PPFIA2: variants seen among roughly 807,000 people sequenced by gnomAD.
The protein encoded by PPFIA2 is PPFI scaffold protein A2, also known as liprin-alpha-2.
A neutral mutation model predicts 175.5 loss-of-function variants in PPFIA2; 46 were observed. The ratio of observed to expected loss-of-function variants is 0.26; its 90% confidence interval spans 0.21 to 0.34. The LOEUF (loss-of-function observed/expected upper bound fraction) is 0.34, where lower values mean the gene tolerates loss of function less well. PPFIA2 is among the 10% of genes least tolerant of loss of function. The probability of loss-of-function intolerance (pLI) is 1.00; values close to 1 mark genes in which losing one functional copy is unlikely to be tolerated. For synonymous variants in PPFIA2, 568 were observed against 511.4 expected, an observed-to-expected ratio of 1.11 and a Z score of -1.49; for missense variants, 1,179 against 1,506.1, an observed-to-expected ratio of 0.78 and a Z score of 3.60.
intron 3 of PPFIA2, among the ~76,000 whole-genome samples, chr12:81,687,770 TTAA>T (rs1455951839): frequency 6.6e-6 from 1 of 151,778 alleles, no homozygotes; most frequent in East Asian, 1.9e-4. Flanking sequence ...ATTATAATAA[TTAA>T]TATTAATTTT....
intron 4 of PPFIA2, among the ~76,000 whole-genome samples, chr12:81,497,874 C>A (rs576187784): frequency 6.6e-6 from 1 of 152,172 alleles, no homozygotes; most frequent in South Asian, 2.1e-4. Flanking sequence ...TGAAATATAA[C>A]CTAAGTTCTA....
intron 3 of PPFIA2, among the ~76,000 whole-genome samples, chr12:81,735,772 T>C (rs2081496100): frequency 1.3e-5 from 2 of 151,860 alleles, no homozygotes; most frequent in African/African-American, 4.8e-5. Context: ...TGATGTTTGG[T>C]AAGGTTCTAA....
intron 11 of PPFIA2, among the ~76,000 whole-genome samples, chr12:81,372,709 A>G (rs7955223): frequency 0.16 from 24,255 of 151,376 alleles, 2,700 homozygotes; most frequent in East Asian, 0.41. Context: ...AGGAGCTTTC[A>G]TAATGAATAA....
intron 4 of PPFIA2, among the ~76,000 whole-genome samples, chr12:81,582,531 C>T (rs1194139747): frequency 6.6e-6 from 1 of 151,664 alleles, no homozygotes; most frequent in Admixed American, 6.6e-5. Flanking sequence ...ATTCTCCTAC[C>T]TTTCGTTTAG....
chr12:81,362,717 G>C lies in PPFIA2; in HGVS notation c.1613C>G (p.Ser538Cys). 1 of 1,546,704 alleles carries C rather than the reference G, an allele frequency of 6.5e-7. No homozygotes were observed. Among genetic ancestry groups the C allele is most frequent in the Non-Finnish European group, 8.7e-7 (1 of 1,143,072 alleles). ...CCTTGGTATTGTGGGTTCAATTAAA[G>C]AGCCAGTTCTCATTTTCAATTGGTC... Reference protein sequence around the residue: ...ELDQLKMRTGSLIEPTIPRTH... With the variant: ...ELDQLKMRTGCLIEPTIPRTH... The change falls in exon 15 of 33, where the codon TCT (serine) becomes TGT (cysteine). Residue 538 changes from serine to cysteine, a missense_variant. Physicochemically the swap from Ser to Cys is moderately radical, Grantham distance 112. Transcript: ENST00000549396.
intron 7 of PPFIA2, among the ~76,000 whole-genome samples, chr12:81,410,195 C>T (rs1051473745): frequency 7.9e-5 from 12 of 152,202 alleles, no homozygotes; most frequent in Non-Finnish European, 1.3e-4. Context: ...ACATATACTT[C>T]TATTGTTTAT....
chr12:81,563,455 C>T (rs2070630526), intron 4 of PPFIA2, among the ~76,000 whole-genome samples: 1 of 152,138 alleles, frequency 6.6e-6, no homozygotes, highest in South Asian at 2.1e-4. Context: ...GTGGAACTTG[C>T]TTGTGGAAAA....
intron 4 of PPFIA2, among the ~76,000 whole-genome samples, chr12:81,493,837 GC>G (rs2059714354): frequency 6.8e-6 from 1 of 146,090 alleles, no homozygotes; most frequent in Non-Finnish European, 1.5e-5. Context: ...ATAGATGAAG[GC>G]AGGTGGGGAG....
At position 81,618,684 on chromosome 12, in the gene PPFIA2, A is replaced by T. The variant is rs556274994; in HGVS notation, c.303+58107T>A. Among the ~76,000 whole-genome samples the T allele has an allele frequency of 5.3e-5, 8 of 151,380 alleles. No individual in the cohort carries two copies. The South Asian group carries it at 1.7e-3, about 32-fold the overall frequency. On this transcript the variant is annotated intron_variant, in intron 4 of 32. Transcript: ENST00000549396. ...GCTGGGACTACAGGCACCAGCCACCACGCCCAGCTAATTTTTTTTTGTATT... is the reference window on the plus strand; with the variant it reads ...GCTGGGACTACAGGCACCAGCCACCTCGCCCAGCTAATTTTTTTTTGTATT...
intron 4 of PPFIA2, among the ~76,000 whole-genome samples, chr12:81,610,417 T>C (rs1450662330): frequency 6.6e-6 from 1 of 152,196 alleles, no homozygotes; most frequent in African/African-American, 2.4e-5. Flanking sequence ...ATCCCATATT[T>C]CATAGAGGTT....
intron 4 of PPFIA2, among the ~76,000 whole-genome samples, chr12:81,566,578 A>G (rs1336436042): frequency 6.6e-6 from 1 of 151,630 alleles, no homozygotes; most frequent in African/African-American, 2.4e-5. Flanking sequence ...AAAGAAAAGT[A>G]CATGTACTTT....
At chr12:81,280,530 T>C (rs552404272) in intron 27 of PPFIA2, among the ~76,000 whole-genome samples, 1 of 152,230 alleles carries the variant, frequency 6.6e-6, no homozygotes, top group South Asian at 2.1e-4. Flanking sequence ...AAATCATCTA[T>C]GGTTATATTT....
At chr12:81,369,310 A>T (rs1320713188) in intron 11 of PPFIA2, 116 bp from the exon 12 acceptor site, 3 of 1,523,508 alleles carry the variant, frequency 2.0e-6, no homozygotes, top group African/African-American at 1.4e-5. Context: ...CATAGTTTTT[A>T]AAAAATAAAC....
chr12:81,699,054 G>C (rs1221835015), intron 3 of PPFIA2, among the ~76,000 whole-genome samples: 1 of 152,010 alleles, frequency 6.6e-6, no homozygotes, highest in Non-Finnish European at 1.5e-5. Context: ...GTAATATGCA[G>C]AATTAGGCCA....
At chr12:81,588,240 T>C (rs2075561933) in intron 4 of PPFIA2, among the ~76,000 whole-genome samples, 2 of 152,028 alleles carry the variant, frequency 1.3e-5, no homozygotes, top group African/African-American at 2.4e-5. Context: ...TACACACATT[T>C]AGGAGTCAGG....
chr12:81,638,679 T>TTTC (rs2064451199), intron 4 of PPFIA2, among the ~76,000 whole-genome samples: 1 of 126,752 alleles, frequency 7.9e-6, no homozygotes, highest in African/African-American at 3.3e-5. Context: ...TGTCATAAAT[T>TTTC]TTCTTTTTTT....
intron 22 of PPFIA2, among the ~76,000 whole-genome samples, chr12:81,310,236 G>A (rs192332777): frequency 6.6e-6 from 1 of 152,130 alleles, no homozygotes; most frequent in Admixed American, 6.5e-5. Flanking sequence ...TGGGGAAGAT[G>A]GAATTTAAAC....
intron 5 of PPFIA2, among the ~76,000 whole-genome samples, chr12:81,446,899 A>C (rs1188974279): frequency 1.3e-5 from 2 of 152,144 alleles, no homozygotes; most frequent in African/African-American, 4.8e-5. Context: ...GCTGTCACTA[A>C]TTATGACTCA....
At chr12:81,627,492 G>A (rs1445967194) in intron 4 of PPFIA2, among the ~76,000 whole-genome samples, 1 of 152,098 alleles carries the variant, frequency 6.6e-6, no homozygotes, top group African/African-American at 2.4e-5. Context: ...CTGACAGTCT[G>A]TTGCAACTGT....
Sources: allele counts gnomAD v4.1 joint callset (sites outside exome capture counted in the v4.1 genomes callset), GRCh38; gene constraint gnomAD v4.1.1; transcripts MANE v1.5; gene names NCBI Gene and HGNC (gene_info 2026-07-23, HGNC 2026-07-21).